The following ADRA1A variants were observed in gnomAD, a reference collection of about 807,000 sequenced individuals.
The protein encoded by ADRA1A is alpha-1A adrenergic receptor.
Under a neutral mutation model 29.6 loss-of-function variants are expected in ADRA1A, and 31 were observed. The ratio of observed to expected loss-of-function variants is 1.05; its 90% CI spans 0.79 to 1.41. The LOEUF (loss-of-function observed/expected upper bound fraction) is 1.41. Among genes scored for constraint, ADRA1A ranks in the 40% most tolerant of loss-of-function variants. The pLI, the probability that ADRA1A is intolerant of heterozygous loss-of-function variation, is 0.00. For synonymous variants in ADRA1A, 311 were observed against 254.3 expected, an observed-to-expected ratio of 1.22 and a Z score of -2.12; for missense variants, 619 against 601.1, an observed-to-expected ratio of 1.03 and a Z score of -0.31.
chr8:26,864,004 T>C lies in ADRA1A; in HGVS notation c.883+83A>G. Reference sequence around the variant, plus strand: ...TGAAATGCTAATCCTTCCTCTTCCATCCCGGACTGGGAGTCTGGGGTAACA... The same window carrying C: ...TGAAATGCTAATCCTTCCTCTTCCACCCCGGACTGGGAGTCTGGGGTAACA... On this transcript the variant is annotated intron_variant, in intron 2 of 2. Transcript: ENST00000380573. The surrounding 1 kb of genome is among the most constrained non-coding windows in gnomAD (Gnocchi z 8.1). 1 of 1,400,026 alleles carries C rather than the reference T, an allele frequency of 7.1e-7. No homozygotes were observed. The highest frequency in any genetic ancestry group is 9.7e-7 in the Non-Finnish European group (1 of 1,028,712). The allele number at this position is 1,400,026 out of a possible 1,614,324, so 86.7% of individuals were successfully genotyped here.
chr8:26,810,336 G>A (rs917727544), intron 2 of ADRA1A, among the ~76,000 whole-genome samples: 7 of 152,090 alleles, frequency 4.6e-5, no homozygotes, highest in African/African-American at 1.4e-4. Flanking sequence ...CCCTTGATCC[G>A]TCCTAAGACT....
At chr8:26,784,170 G>A (rs1807206828) in intron 2 of ADRA1A, among the ~76,000 whole-genome samples, 2 of 152,256 alleles carry the variant, frequency 1.3e-5, no homozygotes, top group Middle Eastern at 3.4e-3. Flanking sequence ...CATGTACCCC[G>A]GAACTTAAAA....
In ADRA1A at chr8:26,864,509, G is replaced by C; in HGVS notation, c.461C>G (p.Ser154Cys). 1 of 1,614,014 alleles carries C rather than the reference G, an allele frequency of 6.2e-7. No homozygotes were observed. Among genetic ancestry groups the C allele is most frequent in the Non-Finnish European group, 8.5e-7 (1 of 1,180,042 alleles). The change falls in exon 2 of 3, where the codon TCC (serine) becomes TGC (cysteine). Residue 154 changes from serine (S) to cysteine (C), a missense_variant. Transcript: ENST00000380573. This position sits in a 1 kb window ranked among gnomAD's most constrained non-coding sequence, Gnocchi z 8.1. Reference protein sequence around the residue: ...LMALLCVWALSLVISIGPLFG... With the variant: ...LMALLCVWALCLVISIGPLFG... The stretch of plus-strand genomic sequence containing the variant: ...CAGGGGTCCAATGGATATGACCAGG[G>C]AGAGTGCCCAGACGCAGAGCAGAGC...
Position 26,864,311 on chromosome 8 carries a change from G to A in ADRA1A, c.659C>T (p.Ser220Phe), listed in dbSNP as rs748586055. Residue 220 changes from serine to phenylalanine, a missense_variant, in exon 2 of 3, where the codon TCT becomes TTT. By Grantham distance (155) the Ser-to-Phe change is radical (BLOSUM62 -2). Coordinates refer to ENST00000380573, the MANE Select transcript of ADRA1A (RefSeq NM_000680.4). The surrounding 1 kb of genome is among the most constrained non-coding windows in gnomAD (Gnocchi z 8.1). ...GTCCGACTTGTCGGTCTTGAGGCCA[G>A]ACTTGAGGCCCCGGCTCTCCCTCTT... ...VAKRESRGLK[S>F]GLKTDKSDSE... 1.2e-6 allele frequency: 2 copies of A among 1,613,992 alleles called. No individual in the cohort carries two copies. The highest frequency in any genetic ancestry group is 1.7e-6 in the Non-Finnish European group (2 of 1,180,030).
rs938487720 is a variant in ADRA1A, at chr8:26,864,588, C to A, written c.382G>T (p.Val128Leu). 1.9e-6 allele frequency: 3 copies of A among 1,614,110 alleles called. No homozygotes were observed. Among genetic ancestry groups the A allele is most frequent in the Non-Finnish European group, 2.5e-6 (3 of 1,180,040 alleles). The change falls in exon 2 of 3, where the codon GTG becomes TTG. Residue 128 changes from valine to leucine, a missense_variant. Coordinates refer to ENST00000380573, the MANE Select transcript of ADRA1A (RefSeq NM_000680.4). The surrounding 1 kb of genome is among the most constrained non-coding windows in gnomAD (Gnocchi z 8.1). ...GTTGGGTAGCGCAGCGGGTAGCTCA[C>A]GCCGATGTAGCGGTCGATGGAGATG... ...CIISIDRYIG[V>L]SYPLRYPTIV...
In ADRA1A at chr8:26,860,308, G is replaced by A. The variant is rs1243720269; in HGVS notation, c.883+3779C>T. Among the ~76,000 whole-genome samples the A allele has an allele frequency of 6.6e-6, 1 of 152,072 alleles. No individual in the cohort carries two copies. ...GCTCCAAACTCTCAGGCCACCCATC[G>A]TCACCTGGGCTCCTTCTACAACCTG... On this transcript the variant is annotated intron_variant, in intron 2 of 2. Coordinates refer to ENST00000380573, the MANE Select transcript of ADRA1A (RefSeq NM_000680.4). The surrounding 1 kb of genome is among the most constrained non-coding windows in gnomAD (Gnocchi z 4.7).
In ADRA1A at chr8:26,796,063, T is replaced by G. The variant is rs1808170905; in HGVS notation, c.884-25397A>C. The stretch of plus-strand genomic sequence containing the variant: ...ATATAATAGTATTATTGTTATACAT[T>G]TCAAAAAAAGAGTAATGTTTAGAAG... On this transcript the variant is annotated intron_variant, in intron 2 of 2. Coordinates refer to ENST00000380573, the MANE Select transcript of ADRA1A (RefSeq NM_000680.4). The surrounding 1 kb of genome is among the most constrained non-coding windows in gnomAD (Gnocchi z 5.0). Among the ~76,000 whole-genome samples the G allele has an allele frequency of 6.6e-6, 1 of 152,080 alleles. No individual in the cohort carries two copies. The highest frequency in any genetic ancestry group is 1.5e-5 in the Non-Finnish European group (1 of 67,990).
At chr8:26,766,938 AGT>A (rs371088307), downstream of ADRA1A, among the ~76,000 whole-genome samples, 1 of 152,202 alleles carries the variant, frequency 6.6e-6, no homozygotes, top group East Asian at 1.9e-4. Flanking sequence ...TATTTTGGAG[AGT>A]GTTAGATATG....
chr8:26,852,320 C>T (rs1436252280), intron 2 of ADRA1A, among the ~76,000 whole-genome samples: 4 of 152,022 alleles, frequency 2.6e-5, no homozygotes, highest in Non-Finnish European at 5.9e-5. Context: ...ATGAACTAAA[C>T]ATTCTGGGTA....
intron 2 of ADRA1A, among the ~76,000 whole-genome samples, chr8:26,827,179 CAAT>C (rs1288503424): frequency 3.9e-5 from 6 of 152,264 alleles, no homozygotes; most frequent in East Asian, 1.9e-4. Flanking sequence ...GACAATACAA[CAAT>C]GATTCATATT....
At chr8:26,751,045 G>C (rs920210087) in intron 2 of ADRA1A, among the ~76,000 whole-genome samples, 3 of 150,148 alleles carry the variant, frequency 2.0e-5, no homozygotes, top group African/African-American at 7.4e-5. Context: ...CTCCAGCCTG[G>C]GCAACAAGAG....
intron 2 of ADRA1A, among the ~76,000 whole-genome samples, chr8:26,818,947 T>G (rs1809961900): frequency 6.6e-6 from 1 of 152,128 alleles, no homozygotes; most frequent in African/African-American, 2.4e-5. Flanking sequence ...GGTTGAAAAC[T>G]TTCCAAAACT....
rs535768128 is a variant in ADRA1A, at chr8:26,865,046, G to A, written c.-77C>T. 3.3e-6 allele frequency: 5 copies of A among 1,518,034 alleles called. No homozygotes were observed. The African/African-American group carries it at 4.2e-5, about 13-fold the overall frequency. The allele number at this position is 1,518,034 out of a possible 1,614,324, so 94.0% of individuals were successfully genotyped here. A position where few individuals can be genotyped will look rare whatever the true frequency, so the allele number is the denominator to read the frequency against. ...CTGGCGCGGAGGCGGGAGCGCGGGAGCCGGGAATCAAAAGGTCTCGGCTGG... is the reference window on the plus strand; with the variant it reads ...CTGGCGCGGAGGCGGGAGCGCGGGAACCGGGAATCAAAAGGTCTCGGCTGG... On this transcript the variant is annotated 5_prime_UTR_variant, in exon 2 of 3. Coordinates refer to ENST00000380573, the MANE Select transcript of ADRA1A (RefSeq NM_000680.4). The surrounding 1 kb of genome is among the most constrained non-coding windows in gnomAD (Gnocchi z 7.6).
chr8:26,829,956 T>A (rs1263746892), intron 2 of ADRA1A, among the ~76,000 whole-genome samples: 2 of 83,952 alleles, frequency 2.4e-5, no homozygotes, highest in Non-Finnish European at 4.5e-5. Flanking sequence ...AGGGTGTGTG[T>A]CTGGGGGGTG....
intron 2 of ADRA1A, among the ~76,000 whole-genome samples, chr8:26,812,726 G>A (rs548204348): frequency 1.1e-4 from 16 of 151,412 alleles, no homozygotes; most frequent in South Asian, 8.4e-4. Flanking sequence ...GTGCAGTGGC[G>A]CGGTCTCGGC....
chr8:26,786,240 ATT>A (rs10714502), intron 2 of ADRA1A, among the ~76,000 whole-genome samples: 9 of 145,864 alleles, frequency 6.2e-5, no homozygotes, highest in South Asian at 4.3e-4. Context: ...TTATTTTTAA[ATT>A]TTTTTTTTTT....
intron 2 of ADRA1A, among the ~76,000 whole-genome samples, chr8:26,828,705 C>G (rs1213980504): frequency 3.9e-5 from 6 of 151,998 alleles, no homozygotes; most frequent in African/African-American, 1.5e-4. Context: ...CTGTCGAACT[C>G]TCCTTGATTA....
chr8:26,756,698 T>G, exon 3 of ADRA1A: 1 of 1,613,714 alleles, frequency 6.2e-7, no homozygotes, highest in South Asian at 1.1e-5. Flanking sequence ...GGACCAGTGG[T>G]GGGTTTCATG....
At position 26,839,807 on chromosome 8, in the gene ADRA1A, G is replaced by A. The variant is rs61761850; in HGVS notation, c.883+24280C>T. ...GGTCTTGGGGTGGGATGGTGGGAAGGGTGTGTGGGGAGGAAAGGCACAAAC... is the reference window on the plus strand; with the variant it reads ...GGTCTTGGGGTGGGATGGTGGGAAGAGTGTGTGGGGAGGAAAGGCACAAAC... On this transcript the variant is annotated intron_variant, in intron 2 of 2. Transcript: ENST00000380573. Among the ~76,000 whole-genome samples, 1,418 of 152,160 alleles carry A rather than the reference G, an allele frequency of 9.3e-3. 11 individuals are homozygous for A. The highest frequency in any genetic ancestry group is 0.015 in the Non-Finnish European group (1,027 of 68,008).
Sources: gnomAD v4.1 joint callset for allele counts (sites outside exome capture counted in the v4.1 genomes callset) on GRCh38, gnomAD v4.1.1 for gene constraint, Gnocchi (gnomAD v3.1) non-coding constraint, MANE v1.5 for transcripts, NCBI Gene and HGNC (gene_info 2026-07-23, HGNC 2026-07-21) for gene names.